The following ADCY1 variants were observed in gnomAD, a reference collection of about 807,000 sequenced individuals.
ADCY1 encodes the protein adenylate cyclase type 1.
In ADCY1, 28 loss-of-function variants were observed where a neutral mutation model predicts 105.4. That is an observed-to-expected ratio of 0.27 (90% confidence interval 0.20 to 0.36). The LOEUF is 0.36. ADCY1 is among the 10% of genes least tolerant of loss of function. The probability of loss-of-function intolerance (pLI) is 1.00; values close to 1 mark genes in which losing one functional copy is unlikely to be tolerated. For synonymous variants in ADCY1, 655 were observed against 623.8 expected, an observed-to-expected ratio of 1.05 and a Z score of -0.75; for missense variants, 977 against 1,434.2, an observed-to-expected ratio of 0.68 and a Z score of 5.15.
At chr7:45,602,430 G>A (rs1405352944) in intron 2 of ADCY1, among the ~76,000 whole-genome samples, 3 of 152,030 alleles carry the variant, frequency 2.0e-5, no homozygotes, top group Admixed American at 6.6e-5. Context: ...TATGGAGCTG[G>A]CCCCTCCCAG....
chr7:45,678,241 G>A lies in ADCY1; in HGVS notation c.1876G>A (p.Val626Ile). Residue 626 changes from valine (V) to isoleucine (I), a missense_variant, in exon 10 of 20, where the codon GTC becomes ATC. Val to Ile is a conservative substitution (Grantham distance 29). Transcript: ENST00000297323. ...TLILAALFGL[V>I]YLLIFPQSVV... ...CATCCTGGCTGCCTTATTTGGCCTT[G>A]TCTACCTTCTAATATTCCCACAGTG... The A allele has an allele frequency of 6.2e-7, 1 of 1,613,986 alleles. No individual in the cohort carries two copies. Among genetic ancestry groups the A allele is most frequent in the Non-Finnish European group, 8.5e-7 (1 of 1,179,844 alleles).
chr7:45,633,526 C>G (rs773733481), intron 4 of ADCY1, among the ~76,000 whole-genome samples: 1 of 152,026 alleles, frequency 6.6e-6, no homozygotes, highest in African/African-American at 2.4e-5. Flanking sequence ...TAGCAAGGCC[C>G]GGCACGGTGG....
Position 45,721,681 on chromosome 7 carries a change from C to T in ADCY1, c.*7686C>T, listed in dbSNP as rs1008689996. ...GCTGCTGGTGAGGTAAAGGTGGGTC[C>T]GGGTGCCTTCCCAGGGGTTAGAGGA... On this transcript the variant is annotated 3_prime_UTR_variant, in exon 20 of 20. Transcript: ENST00000297323. The T allele has an allele frequency of 1.3e-5, 5 of 398,508 alleles. No homozygotes were observed. Among genetic ancestry groups the T allele is most frequent in the South Asian group, 1.3e-4 (1 of 7,848 alleles). 24.7% of individuals were successfully genotyped at this position (398,508 alleles called of 1,614,324 possible).
At chr7:45,601,538 T>G (rs962750782) in intron 2 of ADCY1, among the ~76,000 whole-genome samples, 1 of 152,126 alleles carries the variant, frequency 6.6e-6, no homozygotes, top group Non-Finnish European at 1.5e-5. Context: ...TGTTTGTTTT[T>G]TTTTCCAGTC....
At chr7:45,603,878 A>G (rs1793309348) in intron 2 of ADCY1, among the ~76,000 whole-genome samples, 1 of 152,190 alleles carries the variant, frequency 6.6e-6, no homozygotes, top group Admixed American at 6.5e-5. Flanking sequence ...TGTTGAATAT[A>G]TCAATATTTG....
At chr7:45,628,404 G>T (rs1335505451) in intron 4 of ADCY1, among the ~76,000 whole-genome samples, 1 of 152,182 alleles carries the variant, frequency 6.6e-6, no homozygotes, top group Non-Finnish European at 1.5e-5. Context: ...TGCACAGTTT[G>T]TAATGGACAG....
intron 8 of ADCY1, chr7:45,664,268 C>T (rs1795207771): frequency 5.9e-6 from 9 of 1,534,978 alleles, no homozygotes; most frequent in Non-Finnish European, 7.0e-6. Flanking sequence ...GGACCCCACA[C>T]ATCTGATGCC....
rs1554332713 is a variant in ADCY1 at position 45,706,512 on chromosome 7, A to AAAAAAAAAAAAAG, written c.2818-1837_2818-1836insAAAAAAAAAAAGA. On this transcript the variant is annotated intron_variant, in intron 17 of 19. Coordinates refer to ENST00000297323, the MANE Select transcript of ADCY1 (RefSeq NM_021116.4). Reference sequence around the variant, plus strand: ...ACATGCAAAAAAAAAAAAAAAAAAAAAGAATATAGATGCAGACTTTACACC... The same window carrying AAAAAAAAAAAAAG: ...ACATGCAAAAAAAAAAAAAAAAAAAAAAAAAAAAAAAAGAGAATATAGATGCAGACTTTACACC... Among the ~76,000 whole-genome samples, 12 of 135,498 alleles carry AAAAAAAAAAAAAG rather than the reference A, an allele frequency of 8.9e-5. 1 individual carries two copies. The highest frequency in any genetic ancestry group is 2.4e-4 in the South Asian group (1 of 4,122). 88.9% of individuals were successfully genotyped at this position (135,498 alleles called of 152,430 possible).
chr7:45,593,672 C>A (rs1384664815), intron 2 of ADCY1, among the ~76,000 whole-genome samples: 1 of 152,188 alleles, frequency 6.6e-6, no homozygotes, highest in Non-Finnish European at 1.5e-5. Flanking sequence ...GCTTACAGGC[C>A]TCTGTGACAC....
intron 2 of ADCY1, among the ~76,000 whole-genome samples, chr7:45,595,559 G>A (rs904541722): frequency 2.6e-5 from 4 of 152,096 alleles, no homozygotes; most frequent in African/African-American, 9.7e-5. Context: ...CCTCCGTCCC[G>A]TTACATTCTG....
intron 2 of ADCY1, among the ~76,000 whole-genome samples, chr7:45,608,189 C>G (rs1015615626): frequency 3.9e-5 from 6 of 152,186 alleles, no homozygotes; most frequent in Admixed American, 2.6e-4. Flanking sequence ...TTGCATTTCT[C>G]TAATGATTAG....
chr7:45,595,927 A>T (rs1353729857), intron 2 of ADCY1, among the ~76,000 whole-genome samples: 2 of 152,374 alleles, frequency 1.3e-5, no homozygotes, highest in South Asian at 2.1e-4. Context: ...ATCAGCACCC[A>T]GGTTCCTCCT....
rs771262524 is a variant in ADCY1, at chr7:45,660,002, G to A, written c.1308-40G>A. 1.7e-5 allele frequency: 27 copies of A among 1,612,270 alleles called. No individual in the cohort carries two copies. The South Asian group carries it at 2.8e-4, about 16-fold the overall frequency. On this transcript the variant is annotated intron_variant, in intron 6 of 19. Transcript: ENST00000297323. ...AGGCCCTGCAGACTCTGACAGCAGT[G>A]GTTCCCCACTCATCTGGCCTCTGCC...
chr7:45,662,280 A>C, intron 8 of ADCY1, 66 bp downstream of exon 8: 1 of 1,526,796 alleles, frequency 6.5e-7, no homozygotes, highest in Non-Finnish European at 8.8e-7. Context: ...CTGCCCTCCC[A>C]ATATGGCCCC....
At chr7:45,632,411 C>T (rs1413050832) in intron 4 of ADCY1, among the ~76,000 whole-genome samples, 3 of 152,134 alleles carry the variant, frequency 2.0e-5, no homozygotes, top group Non-Finnish European at 2.9e-5. Context: ...TACCAATCTT[C>T]GGAGGATTAA....
At chr7:45,625,690 G>A (rs1260634390) in intron 4 of ADCY1, among the ~76,000 whole-genome samples, 1 of 151,962 alleles carries the variant, frequency 6.6e-6, no homozygotes, top group Non-Finnish European at 1.5e-5. Context: ...GTGTGTACCT[G>A]TGTGAGTGTG....
chr7:45,661,322 G>C (rs950496998), intron 7 of ADCY1, among the ~76,000 whole-genome samples: 2 of 152,062 alleles, frequency 1.3e-5, no homozygotes, highest in Non-Finnish European at 2.9e-5. Context: ...GTGGAGATTT[G>C]TACCTACCTG....
chr7:45,600,209 C>T (rs559621672), intron 2 of ADCY1, among the ~76,000 whole-genome samples: 2 of 152,364 alleles, frequency 1.3e-5, no homozygotes, highest in African/African-American at 4.8e-5. Context: ...GCAAGGAGTC[C>T]AGCATCTGCA....
chr7:45,633,751 G>A (rs1437459796), intron 4 of ADCY1, among the ~76,000 whole-genome samples: 1 of 145,790 alleles, frequency 6.9e-6, no homozygotes, highest in Non-Finnish European at 1.5e-5. Context: ...GCAGTGAGCC[G>A]AGATCGTGCC....
Sources: gnomAD v4.1 joint callset for allele counts (sites outside exome capture counted in the v4.1 genomes callset) on GRCh38, gnomAD v4.1.1 for gene constraint, MANE v1.5 for transcripts, NCBI Gene and HGNC (gene_info 2026-07-23, HGNC 2026-07-21) for gene names.